The following KCNMB3 variants were observed in gnomAD, a reference collection of about 807,000 sequenced individuals.
KCNMB3 encodes potassium calcium-activated channel subfamily M regulatory beta subunit 3.
KCNMB3 carries 18 observed loss-of-function variants against 11.9 expected under a neutral mutation model. The observed-to-expected ratio is 1.51, with a 90% CI of 1.04 to 2.23. KCNMB3 has a LOEUF of 2.23. KCNMB3 is among the 30% of genes most tolerant of loss of function. KCNMB3 has a pLI of 0.00. For missense variants in KCNMB3, 247 were observed against 329.4 expected, an observed-to-expected ratio of 0.75 and a Z score of 1.94; for synonymous variants, 78 against 119.2, an observed-to-expected ratio of 0.65 and a Z score of 2.25.
chr3:179,243,174 G>A lies in KCNMB3; in HGVS notation c.558C>T (p.Tyr186=). 2.0e-6 allele frequency: 3 copies of A among 1,484,954 alleles called. No homozygotes were observed. The highest frequency in any genetic ancestry group is 2.8e-6 in the Non-Finnish European group (3 of 1,079,036). 92.0% of individuals were successfully genotyped at this position (1,484,954 alleles called of 1,614,324 possible). Residue 186 remains tyrosine, a synonymous_variant, in exon 3 of 3, where the codon TAC becomes TAT. Coordinates refer to ENST00000392685, the MANE Select transcript of KCNMB3 (RefSeq NM_171830.2). The stretch of plus-strand genomic sequence containing the variant: ...CATCTTCAGATTGGCTGGCTGGACT[G>A]TAGAAGCATGAAAAGGGGGTTCCAT... ...HKNGTPFSCF[Y]SPASQSEDVI... is the part of the protein sequence containing the mutation.
intron 1 of KCNMB3, chr3:179,261,223 C>T: frequency 1.5e-6 from 2 of 1,357,838 alleles, no homozygotes; most frequent in Admixed American, 2.9e-5. Flanking sequence ...TCTGCGCTTC[C>T]GCGCTCAAAC....
intron 2 of KCNMB3, among the ~76,000 whole-genome samples, chr3:179,244,154 A>G (rs184785843): frequency 6.6e-6 from 1 of 152,238 alleles, no homozygotes; most frequent in East Asian, 1.9e-4. Flanking sequence ...AAGAAAAATT[A>G]CTTGATTCAA....
At chr3:179,251,616 G>A (rs563774555), upstream of KCNMB3, 5 of 1,270,426 alleles carry the variant, frequency 3.9e-6, no homozygotes, top group East Asian at 1.4e-4. Flanking sequence ...TCGCAGGGCA[G>A]GGTGTCTGGT....
intron 1 of KCNMB3, among the ~76,000 whole-genome samples, chr3:179,264,221 T>C (rs1383806042): frequency 6.6e-6 from 1 of 152,238 alleles, no homozygotes; most frequent in Non-Finnish European, 1.5e-5. Context: ...CAATTCTTTG[T>C]AATCCTATTG....
chr3:179,244,641 C>T lies in KCNMB3; in HGVS notation c.301G>A (p.Asp101Asn), dbSNP rs945466107. 1.9e-5 allele frequency: 31 copies of T among 1,613,804 alleles called. No homozygotes were observed. The highest frequency in any genetic ancestry group is 4.0e-5 in the African/African-American group (3 of 74,844). Reference protein sequence around the residue: ...CTAIHTDIMDDWLDCAFTCGV... With the variant: ...CTAIHTDIMDNWLDCAFTCGV... ...CAGGTGAAGGCACAGTCCAGCCAGT[C>T]GTCCATGATATCTGTGTGGATGGCA... The change falls in exon 2 of 3, where the codon GAC (aspartate) becomes AAC (asparagine). Residue 101 changes from aspartate (D) to asparagine (N), a missense_variant. Coordinates refer to ENST00000392685, the MANE Select transcript of KCNMB3 (RefSeq NM_171830.2).
chr3:179,246,591 AGAAAAAATACTGGGCAAGT>A (rs1362560340), intron 1 of KCNMB3, among the ~76,000 whole-genome samples: 2 of 152,248 alleles, frequency 1.3e-5, no homozygotes, highest in African/African-American at 4.8e-5. Context: ...ATATGGCCAA[AGAAAAAATACTGGGCAAGT>A]GAAAATACAA....
chr3:179,259,847 C>T (rs778456490), intron 1 of KCNMB3: 3 of 1,611,038 alleles, frequency 1.9e-6, no homozygotes, highest in Non-Finnish European at 2.5e-6. Flanking sequence ...TTGGACCTGT[C>T]GCCTCCTGAC....
chr3:179,244,804 C>A, intron 1 of KCNMB3, 111 bp from the exon 2 acceptor site: 1 of 902,968 alleles, frequency 1.1e-6, no homozygotes. Context: ...GTGTACAAGG[C>A]ATTTGTGTAT....
At chr3:179,259,773 T>C in intron 1 of KCNMB3, 1 of 1,601,742 alleles carries the variant, frequency 6.2e-7, no homozygotes, top group South Asian at 1.1e-5. Flanking sequence ...CTCTCCCTGT[T>C]GGTCATTCTT....
At chr3:179,251,779 T>C, upstream of KCNMB3, 2 of 502,228 alleles carry the variant, frequency 4.0e-6, no homozygotes, top group Non-Finnish European at 3.1e-6. Flanking sequence ...CCAGGCTGGG[T>C]ACGATCTCAG....
At chr3:179,246,432 G>A (rs186079329) in intron 1 of KCNMB3, among the ~76,000 whole-genome samples, 2 of 151,998 alleles carry the variant, frequency 1.3e-5, no homozygotes, top group Admixed American at 1.3e-4. Flanking sequence ...AAGTAAGAAT[G>A]TTCGAAAAGC....
chr3:179,250,872 T>A lies in KCNMB3; in HGVS notation c.119A>T (p.Asp40Val), dbSNP rs1170672. The change falls in exon 1 of 3, where the codon GAT becomes GTT. Residue 40 changes from aspartate (D) to valine (V), a missense_variant. Coordinates refer to ENST00000392685, the MANE Select transcript of KCNMB3 (RefSeq NM_171830.2). ...ACTGGATGGCAGCCTCTTGTGCACATCTAGTGGGTCTCCATCACTGTAGTC... is the reference window on the plus strand; with the variant it reads ...ACTGGATGGCAGCCTCTTGTGCACAACTAGTGGGTCTCCATCACTGTAGTC... ...ETDYSDGDPL[D>V]VHKRLPSSAG... is the part of the protein sequence containing the mutation. 2.5e-6 allele frequency: 4 copies of A among 1,613,906 alleles called. No individual in the cohort carries two copies. The South Asian group carries it at 4.4e-5, about 18-fold the overall frequency.
upstream of KCNMB3, among the ~76,000 whole-genome samples, chr3:179,254,137 C>T (rs974160026): frequency 3.3e-5 from 5 of 152,108 alleles, no homozygotes; most frequent in Admixed American, 6.5e-5. Flanking sequence ...AGGGTCTATC[C>T]GAGGTATGTA....
chr3:179,255,358 C>T (rs1725980307), upstream of KCNMB3, among the ~76,000 whole-genome samples: 1 of 151,340 alleles, frequency 6.6e-6, no homozygotes, highest in African/African-American at 2.4e-5. Flanking sequence ...TCCAAAATGT[C>T]AGAAATCAAG....
intron 1 of KCNMB3, among the ~76,000 whole-genome samples, chr3:179,258,607 T>C (rs917112204): frequency 6.6e-6 from 1 of 152,240 alleles, no homozygotes; most frequent in Non-Finnish European, 1.5e-5. Flanking sequence ...TAAATATCAA[T>C]TATATTCATA....
rs755201514 is a variant in KCNMB3 at position 179,250,742 on chromosome 3, C to T, written c.248+1G>A. 1.2e-5 allele frequency: 19 copies of T among 1,614,120 alleles called. No individual in the cohort carries two copies. Among genetic ancestry groups the T allele is most frequent in the Non-Finnish European group, 1.6e-5 (19 of 1,179,996 alleles). On this transcript the variant is annotated splice_donor_variant, in intron 1 of 2. Coordinates refer to ENST00000392685, the MANE Select transcript of KCNMB3 (RefSeq NM_171830.2). LOFTEE classifies it high-confidence loss of function. ...CTAGATTTCCTTCCTCTGTTTCTTACCTGAGCATAAAAGGCTTTAGAATGG... is the reference window on the plus strand; with the variant it reads ...CTAGATTTCCTTCCTCTGTTTCTTATCTGAGCATAAAAGGCTTTAGAATGG...
At chr3:179,264,070 T>C (rs1264852016) in intron 1 of KCNMB3, among the ~76,000 whole-genome samples, 1 of 152,162 alleles carries the variant, frequency 6.6e-6, no homozygotes, top group Non-Finnish European at 1.5e-5. Flanking sequence ...CCTCCCAAAG[T>C]GCTGAGATTA....
At chr3:179,254,774 C>G (rs554814002), upstream of KCNMB3, among the ~76,000 whole-genome samples, 57 of 152,158 alleles carry the variant, frequency 3.7e-4, no homozygotes, top group African/African-American at 1.4e-3. Flanking sequence ...TGCACTCCAG[C>G]CTAGCGACAG....
At position 179,243,025 on chromosome 3, in the gene KCNMB3, A is replaced by G. The variant is rs770238169; in HGVS notation, c.707T>C (p.Leu236Pro). The change falls in exon 3 of 3, where the codon CTG becomes CCG. Residue 236 changes from leucine (L) to proline (P), a missense_variant. Physicochemically the swap from Leu to Pro is moderately conservative, Grantham distance 98. Around this residue, in one of 2 missense-constraint regions of KCNMB3, gnomAD observed 87 missense variants for 171.9 expected, o/e 0.51. Transcript: ENST00000392685. ...MVRLTQHLSL[L>P]CEKYSTVVRD... Reference sequence around the variant, plus strand: ...GACTACAGTGCTATATTTTTCACACAGTAAGGACAGGTGTTGTGTTAATCT... The same window carrying G: ...GACTACAGTGCTATATTTTTCACACGGTAAGGACAGGTGTTGTGTTAATCT... 3.1e-6 allele frequency: 5 copies of G among 1,600,008 alleles called. No homozygotes were observed. The South Asian group carries it at 4.6e-5, about 15-fold the overall frequency.
Sources: allele counts gnomAD v4.1 joint callset (sites outside exome capture counted in the v4.1 genomes callset), GRCh38; gene constraint gnomAD v4.1.1; regional missense constraint gnomAD v4.1.1; transcripts MANE v1.5; gene names NCBI Gene and HGNC (gene_info 2026-07-23, HGNC 2026-07-21).